The following AGBL4 variants were observed in gnomAD, a reference collection of about 807,000 sequenced individuals.
AGBL4 encodes the protein cytosolic carboxypeptidase 6.
In AGBL4, 58 loss-of-function variants were observed where a neutral mutation model predicts 66.4. That is an observed-to-expected ratio of 0.87 (90% CI 0.71 to 1.09). The LOEUF (loss-of-function observed/expected upper bound fraction) is 1.09, where lower values mean the gene tolerates loss of function less well. Ranked by LOEUF, AGBL4 falls within the 50% of genes least tolerant of loss-of-function variation. The pLI is 0.00. For synonymous variants in AGBL4, 234 were observed against 222.9 expected (o/e 1.05, Z -0.44); for missense variants, 579 against 631.0 (o/e 0.92, Z 0.88).
At chr1:48,616,553 T>C (rs1276067212) in intron 9 of AGBL4, among the ~76,000 whole-genome samples, 2 of 152,194 alleles carry the variant, frequency 1.3e-5, no homozygotes, top group Admixed American at 6.5e-5. Flanking sequence ...TACAACCCAA[T>C]TGGGCCAAAT....
chr1:49,415,211 A>C (rs143308122), intron 3 of AGBL4, among the ~76,000 whole-genome samples: 157 of 152,266 alleles, frequency 1.0e-3, no homozygotes, highest in African/African-American at 3.7e-3. Context: ...TATGCTGATT[A>C]GAATTATTTT....
At chr1:49,775,887 T>A (rs958289634) in intron 2 of AGBL4, among the ~76,000 whole-genome samples, 1 of 152,156 alleles carries the variant, frequency 6.6e-6, no homozygotes, top group African/African-American at 2.4e-5. Context: ...TTGTGAGCTT[T>A]AGAGTCAGTG....
intron 6 of AGBL4, among the ~76,000 whole-genome samples, chr1:48,770,511 C>A (rs184809211): frequency 6.6e-6 from 1 of 152,248 alleles, no homozygotes; most frequent in Non-Finnish European, 1.5e-5. Context: ...TCTGCCCTTG[C>A]ACGCTTCTCT....
chr1:48,544,854 T>G (rs1644134124), intron 11 of AGBL4, among the ~76,000 whole-genome samples: 1 of 152,088 alleles, frequency 6.6e-6, no homozygotes, highest in South Asian at 2.1e-4. Flanking sequence ...CTAGAACCAC[T>G]CAGCTGAGGC....
intron 4 of AGBL4, among the ~76,000 whole-genome samples, chr1:49,091,365 G>T (rs1645000827): frequency 6.6e-6 from 1 of 152,122 alleles, no homozygotes; most frequent in South Asian, 2.1e-4. Context: ...TCTATAAGGA[G>T]CTTAAACATA....
At chr1:48,680,564 G>A (rs968191751) in intron 6 of AGBL4, among the ~76,000 whole-genome samples, 6 of 152,216 alleles carry the variant, frequency 3.9e-5, no homozygotes, top group Non-Finnish European at 8.8e-5. Context: ...GCCCCAGGAA[G>A]TTAGAAAAAC....
intron 6 of AGBL4, among the ~76,000 whole-genome samples, chr1:48,673,888 C>T (rs1646317433): frequency 1.3e-5 from 2 of 152,176 alleles, no homozygotes; most frequent in South Asian, 2.1e-4. Flanking sequence ...AGCTCAACAC[C>T]GCCCCCATTG....
At chr1:48,703,824 T>C (rs1421956811) in intron 6 of AGBL4, among the ~76,000 whole-genome samples, 1 of 152,216 alleles carries the variant, frequency 6.6e-6, no homozygotes, top group Non-Finnish European at 1.5e-5. Flanking sequence ...TAAAATTCTA[T>C]GTTGTATAAA....
chr1:48,613,847 C>A (rs1446478781), intron 9 of AGBL4, among the ~76,000 whole-genome samples: 2 of 152,214 alleles, frequency 1.3e-5, no homozygotes, highest in Non-Finnish European at 1.5e-5. Flanking sequence ...CGAAAGCTAA[C>A]CACAATAATA....
intron 4 of AGBL4, among the ~76,000 whole-genome samples, chr1:49,099,458 A>C (rs893673333): frequency 2.0e-5 from 3 of 152,132 alleles, no homozygotes; most frequent in Admixed American, 6.5e-5. Flanking sequence ...TAAGCAACTC[A>C]ATGTATCAGC....
chr1:49,545,263 T>A (rs193218555), intron 3 of AGBL4, among the ~76,000 whole-genome samples: 2 of 152,118 alleles, frequency 1.3e-5, no homozygotes, highest in Non-Finnish European at 2.9e-5. Flanking sequence ...GGGAGGCCCA[T>A]GTAGCAAAAA....
intron 1 of AGBL4, among the ~76,000 whole-genome samples, chr1:50,012,282 C>T (rs887085404): frequency 6.6e-5 from 10 of 151,274 alleles, no homozygotes; most frequent in Non-Finnish European, 1.0e-4. Flanking sequence ...GACCTGCTAT[C>T]GTGATAGCCC....
chr1:49,655,811 C>T (rs1172757918), intron 3 of AGBL4, among the ~76,000 whole-genome samples: 6 of 152,172 alleles, frequency 3.9e-5, no homozygotes, highest in Middle Eastern at 3.4e-3. Flanking sequence ...GCTAGCAAGA[C>T]TCATAAAGAA....
At chr1:49,624,946 T>A (rs1645436949) in intron 3 of AGBL4, among the ~76,000 whole-genome samples, 1 of 152,176 alleles carries the variant, frequency 6.6e-6, no homozygotes, top group Non-Finnish European at 1.5e-5. Flanking sequence ...TTTTTCCCTA[T>A]TAGTTTTTAA....
chr1:49,303,041 A>C (rs1644784087), intron 3 of AGBL4, among the ~76,000 whole-genome samples: 1 of 151,880 alleles, frequency 6.6e-6, no homozygotes. Context: ...TATGTACCAC[A>C]TTTTCTTTAT....
At chr1:48,697,993 A>G (rs1454043773) in intron 6 of AGBL4, among the ~76,000 whole-genome samples, 1 of 152,228 alleles carries the variant, frequency 6.6e-6, no homozygotes, top group Non-Finnish European at 1.5e-5. Context: ...CCCCAAGGCC[A>G]GTTACCAAAT....
intron 3 of AGBL4, among the ~76,000 whole-genome samples, chr1:49,300,547 G>T (rs1397483467): frequency 1.3e-5 from 2 of 152,078 alleles, no homozygotes; most frequent in African/African-American, 2.4e-5. Flanking sequence ...AGACCCACAG[G>T]TCTCCATTAA....
At chr1:49,218,948 C>G (rs1649289263) in intron 4 of AGBL4, among the ~76,000 whole-genome samples, 2 of 152,114 alleles carry the variant, frequency 1.3e-5, no homozygotes, top group Admixed American at 1.3e-4. Context: ...TCACCTTCTG[C>G]CATGATTGTG....
At chr1:49,948,138 G>A (rs1362574330) in intron 1 of AGBL4, among the ~76,000 whole-genome samples, 6 of 93,966 alleles carry the variant, frequency 6.4e-5, no homozygotes, top group South Asian at 3.3e-4. Flanking sequence ...ATAAATATAT[G>A]TAAATATATA....
Sources: allele counts gnomAD v4.1 joint callset (sites outside exome capture counted in the v4.1 genomes callset), GRCh38; gene constraint gnomAD v4.1.1; transcripts MANE v1.5; gene names NCBI Gene and HGNC (gene_info 2026-07-23, HGNC 2026-07-21).